Variants in RIMS1 observed in about 807,000 individuals in gnomAD.
RIMS1 encodes the protein regulating synaptic membrane exocytosis protein 1.
RIMS1 carries 83 observed loss-of-function variants against 214.1 expected under a neutral mutation model. The ratio of observed to expected loss-of-function variants is 0.39; its 90% CI spans 0.32 to 0.47. RIMS1 has a LOEUF of 0.47. RIMS1 is among the 20% of genes least tolerant of loss of function. The probability of loss-of-function intolerance (pLI) is 0.99; values close to 1 mark genes in which losing one functional copy is unlikely to be tolerated. For synonymous variants in RIMS1, 793 were observed against 786.8 expected (o/e 1.01, Z -0.13); for missense variants, 2,050 against 2,161.8 (o/e 0.95, Z 1.03).
At chr6:72,273,723 A>G (rs2154192569) in intron 22 of RIMS1, among the ~76,000 whole-genome samples, 1 of 152,290 alleles carries the variant, frequency 6.6e-6, no homozygotes. Context: ...AGTATCGTTT[A>G]CTTACAGCTT....
At chr6:72,226,143 G>T (rs1000792976) in intron 6 of RIMS1, among the ~76,000 whole-genome samples, 1 of 152,034 alleles carries the variant, frequency 6.6e-6, no homozygotes, top group Non-Finnish European at 1.5e-5. Context: ...GCATGTGTGT[G>T]TATGTGTTTG....
intron 2 of RIMS1, among the ~76,000 whole-genome samples, chr6:71,995,736 G>T (rs2151665319): frequency 1.3e-5 from 2 of 152,066 alleles, no homozygotes; most frequent in Admixed American, 6.6e-5. Flanking sequence ...GCCTTCCCTT[G>T]GTGCCTTACT....
intron 1 of RIMS1, among the ~76,000 whole-genome samples, chr6:71,889,444 A>G (rs1768923577): frequency 6.6e-6 from 1 of 152,160 alleles, no homozygotes; most frequent in South Asian, 2.1e-4. Context: ...CCTTTGTTGC[A>G]TGGATTCACA....
At chr6:72,219,495 A>G (rs542144578) in intron 6 of RIMS1, among the ~76,000 whole-genome samples, 83 of 152,148 alleles carry the variant, frequency 5.5e-4, no homozygotes, top group Non-Finnish European at 1.1e-3. Context: ...CGTGACTTCT[A>G]TGAGTCTTGA....
At chr6:72,242,584 A>C in intron 10 of RIMS1, 147 bp downstream of exon 10, 1 of 540,888 alleles carries the variant, frequency 1.8e-6, no homozygotes, top group Non-Finnish European at 3.1e-6. Flanking sequence ...ATTACTAAAA[A>C]TTTCTTAATT....
At chr6:72,094,867 A>T (rs143778219) in intron 2 of RIMS1, among the ~76,000 whole-genome samples, 1,523 of 151,964 alleles carry the variant, frequency 0.01, 24 homozygotes, top group African/African-American at 0.034. Flanking sequence ...CTCACAATAA[A>T]TATTTATTTA....
chr6:72,287,979 C>A (rs2092680680), intron 24 of RIMS1, among the ~76,000 whole-genome samples: 1 of 152,204 alleles, frequency 6.6e-6, no homozygotes, highest in African/African-American at 2.4e-5. Flanking sequence ...CACAAACTCT[C>A]AAACACAGTT....
chr6:72,320,155 A>G (rs887144201), intron 28 of RIMS1, among the ~76,000 whole-genome samples: 10 of 152,228 alleles, frequency 6.6e-5, no homozygotes, highest in African/African-American at 2.4e-4. Flanking sequence ...TTGACACTTG[A>G]AGAGTTCAGT....
In RIMS1 at chr6:72,401,985, T is replaced by C. The variant is rs1304191352; in HGVS notation, c.*1271T>C. 6.6e-6 allele frequency: 1 copy of C among 152,586 alleles called. No homozygotes were observed. The highest frequency in any genetic ancestry group is 1.5e-5 in the Non-Finnish European group (1 of 68,034). The allele number at this position is 152,586 out of a possible 1,614,324, so 9.5% of individuals were successfully genotyped here. A position where few individuals can be genotyped will look rare whatever the true frequency, so the allele number is the denominator to read the frequency against. ...ACTTTCAATTTGCATTTTCATTTAG[T>C]TTCTCTTGGCCTTGAATTTCCCTTG... On this transcript the variant is annotated 3_prime_UTR_variant, in exon 34 of 34. Coordinates refer to ENST00000521978, the MANE Select transcript of RIMS1 (RefSeq NM_014989.7).
At chr6:72,053,769 A>C (rs1208714057) in intron 2 of RIMS1, among the ~76,000 whole-genome samples, 1 of 152,172 alleles carries the variant, frequency 6.6e-6, no homozygotes, top group Non-Finnish European at 1.5e-5. Context: ...TAAGAGTAGA[A>C]TATCAGATTT....
chr6:72,304,487 C>T (rs1293416950), intron 26 of RIMS1, among the ~76,000 whole-genome samples: 3 of 151,768 alleles, frequency 2.0e-5, no homozygotes, highest in South Asian at 4.1e-4. Context: ...TTATTGGAAT[C>T]GTGCCTTCTG....
intron 30 of RIMS1, among the ~76,000 whole-genome samples, chr6:72,391,290 T>C (rs1198693994): frequency 6.6e-6 from 1 of 152,116 alleles, no homozygotes; most frequent in African/African-American, 2.4e-5. Flanking sequence ...ACTAAAATGT[T>C]TTAGTTAATT....
intron 26 of RIMS1, among the ~76,000 whole-genome samples, chr6:72,293,098 G>A (rs944101549): frequency 6.6e-6 from 1 of 151,950 alleles, no homozygotes; most frequent in Non-Finnish European, 1.5e-5. Context: ...AGATTGCCAT[G>A]CAGAATACTT....
chr6:71,922,306 T>C (rs893141790), intron 1 of RIMS1, among the ~76,000 whole-genome samples: 5 of 152,176 alleles, frequency 3.3e-5, no homozygotes, highest in African/African-American at 1.2e-4. Flanking sequence ...CAATAAACAA[T>C]AACTTGCTCT....
At chr6:72,095,146 G>C (rs1489490462) in intron 2 of RIMS1, among the ~76,000 whole-genome samples, 1 of 55,076 alleles carries the variant, frequency 1.8e-5, no homozygotes, top group Non-Finnish European at 4.0e-5. Flanking sequence ...TGTATTTTTA[G>C]TAGAGGCGGG....
chr6:72,082,366 A>G (rs1442365116), intron 2 of RIMS1, among the ~76,000 whole-genome samples: 2 of 152,148 alleles, frequency 1.3e-5, no homozygotes, highest in African/African-American at 4.8e-5. Flanking sequence ...CACCTCCCTA[A>G]GTGCTTTGCA....
chr6:72,166,655 C>A (rs1027899367), intron 4 of RIMS1, among the ~76,000 whole-genome samples: 79 of 151,430 alleles, frequency 5.2e-4, no homozygotes, highest in Admixed American at 1.5e-3. Flanking sequence ...GTGGGAGGAT[C>A]ACTTGAGCTC....
chr6:71,934,408 C>T (rs537138050), intron 1 of RIMS1, among the ~76,000 whole-genome samples: 1 of 152,214 alleles, frequency 6.6e-6, no homozygotes, highest in Admixed American at 6.5e-5. Context: ...AAATACCCTA[C>T]TGTACTCAGT....
chr6:72,323,375 TAAAG>T (rs1214782939), intron 28 of RIMS1, among the ~76,000 whole-genome samples: 1 of 151,882 alleles, frequency 6.6e-6, no homozygotes, highest in Non-Finnish European at 1.5e-5. Context: ...ATTAATATGT[TAAAG>T]AAATCAAAGG....
Sources: gnomAD v4.1 joint callset for allele counts (sites outside exome capture counted in the v4.1 genomes callset) on GRCh38, gnomAD v4.1.1 for gene constraint, MANE v1.5 for transcripts, NCBI Gene and HGNC (gene_info 2026-07-23, HGNC 2026-07-21) for gene names.